The following ATXN7L1 variants were observed in gnomAD, a reference collection of about 807,000 sequenced individuals.
The protein encoded by ATXN7L1 is ataxin-7-like protein 1.
ATXN7L1 carries 15 observed loss-of-function variants against 70.8 expected under a neutral mutation model. That is an observed-to-expected ratio of 0.21 (90% CI 0.14 to 0.33). The LOEUF is 0.33. ATXN7L1 is among the 10% of genes least tolerant of loss of function. ATXN7L1 has a pLI of 1.00. For synonymous variants in ATXN7L1, 440 were observed against 445.1 expected (o/e 0.99, Z 0.14); for missense variants, 975 against 1,097.1 (o/e 0.89, Z 1.57).
chr7:105,828,336 C>A (rs936138793), intron 2 of ATXN7L1, among the ~76,000 whole-genome samples: 1 of 152,214 alleles, frequency 6.6e-6, no homozygotes, highest in Non-Finnish European at 1.5e-5. Context: ...GACATCAATG[C>A]TTCCCATCCC....
chr7:105,809,559 C>T (rs1441057066), intron 2 of ATXN7L1, among the ~76,000 whole-genome samples: 1 of 152,182 alleles, frequency 6.6e-6, no homozygotes, highest in Non-Finnish European at 1.5e-5. Context: ...GCATAGTGTC[C>T]TCAAGGTTCA....
intron 4 of ATXN7L1, among the ~76,000 whole-genome samples, chr7:105,661,805 C>T (rs1479695301): frequency 3.3e-5 from 5 of 152,190 alleles, no homozygotes; most frequent in Admixed American, 2.6e-4. Flanking sequence ...GAGACCGCTG[C>T]AGTCCATGGT....
At position 105,733,844 on chromosome 7, in the gene ATXN7L1, A is replaced by AACCACCCATCCATCCACCCCTCCATCCG. The variant is rs1554444523; in HGVS notation, c.355+54759_355+54760insCGGATGGAGGGGTGGATGGATGGGTGGT. Reference sequence around the variant, plus strand: ...CATCCACCCCTCCATCCGTCCACCCATCCATCCATCCATCCATCCATCCAT... The same window carrying AACCACCCATCCATCCACCCCTCCATCCG: ...CATCCACCCCTCCATCCGTCCACCCAACCACCCATCCATCCACCCCTCCATCCGTCCATCCATCCATCCATCCATCCAT... On this transcript the variant is annotated intron_variant, in intron 3 of 11. Transcript: ENST00000419735. Among the ~76,000 whole-genome samples, 18 of 74,968 alleles carry AACCACCCATCCATCCACCCCTCCATCCG rather than the reference A, an allele frequency of 2.4e-4. 1 individual carries two copies. Among genetic ancestry groups the AACCACCCATCCATCCACCCCTCCATCCG allele is most frequent in the African/African-American group, 1.2e-3 (17 of 14,560 alleles). The allele number at this position is 74,968 out of a possible 152,430, so 49.2% of individuals were successfully genotyped here.
At chr7:105,769,701 A>T (rs1302368332) in intron 3 of ATXN7L1, among the ~76,000 whole-genome samples, 1 of 152,180 alleles carries the variant, frequency 6.6e-6, no homozygotes, top group Non-Finnish European at 1.5e-5. Flanking sequence ...GGCATACAGT[A>T]TCTGAAGAGA....
intron 3 of ATXN7L1, among the ~76,000 whole-genome samples, chr7:105,687,506 C>T (rs989019041): frequency 6.6e-5 from 10 of 152,126 alleles, no homozygotes; most frequent in East Asian, 1.9e-4. Context: ...CATGAAGAGG[C>T]GGCAAGAGGG....
chr7:105,613,837 A>G (rs1584290232), intron 10 of ATXN7L1, 25 bp downstream of exon 10: 1 of 1,551,744 alleles, frequency 6.4e-7, no homozygotes, highest in Non-Finnish European at 8.7e-7. Context: ...AGAGCCGGTG[A>G]AGGCGGTGCC....
At chr7:105,647,140 A>G (rs190313487) in intron 4 of ATXN7L1, among the ~76,000 whole-genome samples, 5 of 152,292 alleles carry the variant, frequency 3.3e-5, no homozygotes, top group Admixed American at 3.3e-4. Flanking sequence ...ATGTATTAAT[A>G]TTTCTTTGTG....
chr7:105,666,882 A>C (rs1178802324), intron 3 of ATXN7L1, among the ~76,000 whole-genome samples: 1 of 152,182 alleles, frequency 6.6e-6, no homozygotes, highest in Non-Finnish European at 1.5e-5. Context: ...CCGCATATAC[A>C]CAGTATTAGG....
intron 7 of ATXN7L1, among the ~76,000 whole-genome samples, chr7:105,636,455 C>CA (rs1554400776): frequency 5.4e-5 from 8 of 149,364 alleles, no homozygotes; most frequent in South Asian, 4.2e-4. Flanking sequence ...CTGCCCCCCC[C>CA]ACCCCCACTT....
At chr7:105,679,241 C>A (rs376394916) in intron 3 of ATXN7L1, 2 of 766,754 alleles carry the variant, frequency 2.6e-6, no homozygotes, top group Non-Finnish European at 3.2e-6. Context: ...CCGGAACAGT[C>A]AGGGTTGTAT....
chr7:105,724,441 G>C (rs941231894), intron 3 of ATXN7L1, among the ~76,000 whole-genome samples: 2 of 151,806 alleles, frequency 1.3e-5, no homozygotes, highest in African/African-American at 4.8e-5. Flanking sequence ...GGGTGTGGTG[G>C]TGCATGCCTG....
intron 2 of ATXN7L1, among the ~76,000 whole-genome samples, chr7:105,836,286 G>C (rs558793995): frequency 1.3e-5 from 2 of 152,138 alleles, no homozygotes; most frequent in Admixed American, 1.3e-4. Flanking sequence ...ATATTTAGCC[G>C]AAAGTACTCT....
At chr7:105,856,919 T>A (rs921827199) in intron 2 of ATXN7L1, among the ~76,000 whole-genome samples, 1 of 152,184 alleles carries the variant, frequency 6.6e-6, no homozygotes, top group African/African-American at 2.4e-5. Context: ...AACAGAAGGC[T>A]GTTTTCTGAA....
intron 3 of ATXN7L1, among the ~76,000 whole-genome samples, chr7:105,694,394 A>G (rs1791441460): frequency 6.6e-6 from 1 of 152,152 alleles, no homozygotes; most frequent in Non-Finnish European, 1.5e-5. Flanking sequence ...GCAACTGTTA[A>G]AGTAGCCCCA....
At chr7:105,773,088 A>T (rs1446592994) in intron 3 of ATXN7L1, among the ~76,000 whole-genome samples, 1 of 152,210 alleles carries the variant, frequency 6.6e-6, no homozygotes, top group Non-Finnish European at 1.5e-5. Flanking sequence ...CTAAAATCAC[A>T]TTCCTAAATT....
At position 105,624,331 on chromosome 7, in the gene ATXN7L1, C is replaced by T. The variant is rs1795354760; in HGVS notation, c.1203-64G>A. 5 of 1,302,848 alleles carry T rather than the reference C, an allele frequency of 3.8e-6. No homozygotes were observed. In the South Asian group the frequency reaches 9.0e-5, roughly 23 times the overall value. 80.7% of individuals were successfully genotyped at this position (1,302,848 alleles called of 1,614,324 possible). ...TGAACCTTTTCTGAGGTAACAAGAT[C>T]CACCCAGTTTAATGGTGCTCAGAAA... On this transcript the variant is annotated intron_variant, in intron 7 of 11. Transcript: ENST00000419735.
chr7:105,740,824 G>A (rs897428619), intron 3 of ATXN7L1, among the ~76,000 whole-genome samples: 4 of 130,782 alleles, frequency 3.1e-5, no homozygotes, highest in Non-Finnish European at 6.1e-5. Context: ...GAGTGCGGTG[G>A]TGCGATCTTG....
At chr7:105,776,493 ACCC>A (rs33932326) in intron 3 of ATXN7L1, among the ~76,000 whole-genome samples, 3 of 143,824 alleles carry the variant, frequency 2.1e-5, no homozygotes, top group African/African-American at 7.5e-5. Context: ...CAAACAAACA[ACCC>A]CCCCCCCAAA....
At chr7:105,782,801 GC>G (rs984892591) in intron 3 of ATXN7L1, among the ~76,000 whole-genome samples, 2 of 152,162 alleles carry the variant, frequency 1.3e-5, no homozygotes, top group Non-Finnish European at 2.9e-5. Context: ...TCATATTCAG[GC>G]CAGCATTTCT....
Sources: allele counts gnomAD v4.1 joint callset (sites outside exome capture counted in the v4.1 genomes callset), GRCh38; gene constraint gnomAD v4.1.1; transcripts MANE v1.5; gene names NCBI Gene and HGNC (gene_info 2026-07-23, HGNC 2026-07-21).